CHODL: variants seen among roughly 807,000 people sequenced by gnomAD.
CHODL encodes the protein chondrolectin, also known as transmembrane protein MT75.
A neutral mutation model predicts 34.5 loss-of-function variants in CHODL; 29 were observed. The observed-to-expected ratio is 0.84, with a 90% confidence interval of 0.63 to 1.15. The LOEUF (loss-of-function observed/expected upper bound fraction) is 1.15, where lower values mean the gene tolerates loss of function less well. Ranked by LOEUF, CHODL falls within the 50% of genes most tolerant of loss-of-function variation. The pLI, the probability that CHODL is intolerant of heterozygous loss-of-function variation, is 0.00. For synonymous variants in CHODL, 125 were observed against 116.1 expected (o/e 1.08, Z -0.49); for missense variants, 332 against 332.5 (o/e 1.00, Z 0.01).
intron 1 of CHODL, among the ~76,000 whole-genome samples, chr21:17,952,649 G>T (rs1405732407): frequency 6.6e-6 from 1 of 152,048 alleles, no homozygotes; most frequent in Non-Finnish European, 1.5e-5. Context: ...GAGATTATGT[G>T]CATTTGAAAA....
chr21:17,954,663 A>T (rs2776078), intron 1 of CHODL, among the ~76,000 whole-genome samples: 132,668 of 132,672 alleles, frequency 1, 66,333 homozygotes, highest in Middle Eastern at 1. Flanking sequence ...ACTTGAAGTA[A>T]AGGTTCTGTT....
At chr21:18,010,155 G>A (rs1212042685) in intron 1 of CHODL, among the ~76,000 whole-genome samples, 17 of 143,976 alleles carry the variant, frequency 1.2e-4, no homozygotes, top group African/African-American at 4.3e-4. Flanking sequence ...AAAATTAGCC[G>A]GGCGTGGTGG....
rs373793870 is a variant in CHODL, at chr21:18,027,498, T to C, written c.-144-374T>C. 4.4e-4 allele frequency among the ~76,000 whole-genome samples: 67 copies of C among 152,298 alleles called. 1 individual carries two copies. Among genetic ancestry groups the C allele is most frequent in the African/African-American group, 1.5e-3 (61 of 41,576 alleles). On this transcript the variant is annotated intron_variant, in intron 1 of 6. Transcript: ENST00000400127. ...AATCACATGTGAATGACTTAAACTT[T>C]GGCATGATTCATGTATGTTAGATTT...
At chr21:18,080,911 A>G (rs1293825809) in intron 2 of CHODL, among the ~76,000 whole-genome samples, 2 of 152,182 alleles carry the variant, frequency 1.3e-5, no homozygotes, top group African/African-American at 4.8e-5. Flanking sequence ...CCTTGAATCT[A>G]TGAATTGCTT....
At chr21:17,942,624 T>C (rs1468930595) in intron 1 of CHODL, among the ~76,000 whole-genome samples, 1 of 152,216 alleles carries the variant, frequency 6.6e-6, no homozygotes, top group Non-Finnish European at 1.5e-5. Context: ...ATACATTTGA[T>C]TATATCAGAA....
At chr21:18,041,694 C>G (rs985057624) in intron 2 of CHODL, among the ~76,000 whole-genome samples, 1 of 151,792 alleles carries the variant, frequency 6.6e-6, no homozygotes, top group African/African-American at 2.4e-5. Flanking sequence ...ATGGAATAGG[C>G]TCAATTTAAA....
chr21:18,203,698 A>G (rs2073681069), intron 2 of CHODL, among the ~76,000 whole-genome samples: 1 of 152,192 alleles, frequency 6.6e-6, no homozygotes, highest in African/African-American at 2.4e-5. Flanking sequence ...TTTAGAAAAT[A>G]AAGCCTAACT....
At chr21:18,170,402 T>C (rs897744258) in intron 2 of CHODL, among the ~76,000 whole-genome samples, 3 of 152,158 alleles carry the variant, frequency 2.0e-5, no homozygotes, top group Non-Finnish European at 4.4e-5. Context: ...AGCATTTACA[T>C]TTAATATAAT....
intron 2 of CHODL, among the ~76,000 whole-genome samples, chr21:18,079,458 A>T (rs943439410): frequency 4.0e-5 from 6 of 148,516 alleles, no homozygotes; most frequent in African/African-American, 1.5e-4. Context: ...ATAGAATATT[A>T]TATATATATC....
intron 1 of CHODL, among the ~76,000 whole-genome samples, chr21:17,952,115 G>A (rs375713279): frequency 2.1e-5 from 3 of 143,336 alleles, no homozygotes; most frequent in East Asian, 2.3e-4. Context: ...CTACTCAGAA[G>A]GCTGAGTTGG....
chr21:17,966,257 A>T (rs2146357398), intron 1 of CHODL, among the ~76,000 whole-genome samples: 1 of 152,276 alleles, frequency 6.6e-6, no homozygotes, highest in African/African-American at 2.4e-5. Context: ...GTTTAGAAAA[A>T]TACAGTTTTT....
intron 2 of CHODL, among the ~76,000 whole-genome samples, chr21:18,057,565 T>C (rs1039609450): frequency 1.3e-5 from 2 of 152,098 alleles, no homozygotes; most frequent in Non-Finnish European, 2.9e-5. Context: ...TTTTATGGGT[T>C]TTGTCAAATG....
At chr21:18,084,462 T>G (rs376978822) in intron 2 of CHODL, among the ~76,000 whole-genome samples, 2 of 152,312 alleles carry the variant, frequency 1.3e-5, no homozygotes, top group East Asian at 3.9e-4. Context: ...TGGTATATTG[T>G]GTTGTCAATT....
At chr21:18,058,058 C>T (rs1238573873) in intron 2 of CHODL, among the ~76,000 whole-genome samples, 1 of 152,036 alleles carries the variant, frequency 6.6e-6, no homozygotes, top group Non-Finnish European at 1.5e-5. Flanking sequence ...TTCTGTAGAA[C>T]ACTAGAACTT....
At chr21:18,248,221 T>C (rs1325604031) in intron 1 of CHODL, among the ~76,000 whole-genome samples, 2 of 151,840 alleles carry the variant, frequency 1.3e-5, no homozygotes, top group Non-Finnish European at 2.9e-5. Flanking sequence ...GTGGATACCA[T>C]AGAATATTGC....
At chr21:18,201,168 A>G (rs1367459921) in intron 2 of CHODL, among the ~76,000 whole-genome samples, 1 of 152,206 alleles carries the variant, frequency 6.6e-6, no homozygotes, top group Non-Finnish European at 1.5e-5. Flanking sequence ...GAACCAGGCT[A>G]TCGGATTAAT....
chr21:17,946,156 G>A (rs1456610651), intron 1 of CHODL, among the ~76,000 whole-genome samples: 2 of 152,170 alleles, frequency 1.3e-5, no homozygotes, highest in African/African-American at 2.4e-5. Context: ...GGTGGCTCAC[G>A]CTTGTAATCC....
intron 2 of CHODL, among the ~76,000 whole-genome samples, chr21:18,047,906 T>C (rs1014865762): frequency 2.0e-5 from 3 of 152,002 alleles, no homozygotes; most frequent in African/African-American, 4.8e-5. Context: ...CATTTTTTAA[T>C]GTTCCATAAC....
intron 2 of CHODL, among the ~76,000 whole-genome samples, chr21:18,028,714 A>C (rs1335090293): frequency 1.3e-5 from 2 of 151,396 alleles, no homozygotes; most frequent in Non-Finnish European, 1.5e-5. Flanking sequence ...AAAAAAAAAA[A>C]AAAAAAAAGA....
Sources: gnomAD v4.1 joint callset for allele counts (sites outside exome capture counted in the v4.1 genomes callset) on GRCh38, gnomAD v4.1.1 for gene constraint, MANE v1.5 for transcripts, NCBI Gene and HGNC (gene_info 2026-07-23, HGNC 2026-07-21) for gene names.